The following PHACTR1 variants were observed in gnomAD, a reference collection of about 807,000 sequenced individuals.
PHACTR1 encodes the protein phosphatase and actin regulator 1, also known as RPEL repeat containing 1.
PHACTR1 carries 16 observed loss-of-function variants against 69.2 expected under a neutral mutation model. That is an observed-to-expected ratio of 0.23 (90% CI 0.16 to 0.35). The LOEUF (loss-of-function observed/expected upper bound fraction) is 0.35, where lower values mean the gene tolerates loss of function less well. Ranked by LOEUF, PHACTR1 falls within the 10% of genes least tolerant of loss-of-function variation. The probability of loss-of-function intolerance (pLI) is 1.00; values close to 1 mark genes in which losing one functional copy is unlikely to be tolerated. For missense variants in PHACTR1, 510 were observed against 734.7 expected, an observed-to-expected ratio of 0.69 and a Z score of 3.54; for synonymous variants, 312 against 284.5, an observed-to-expected ratio of 1.10 and a Z score of -0.97.
intron 4 of PHACTR1, among the ~76,000 whole-genome samples, chr6:12,925,675 G>A (rs1357737448): frequency 6.6e-6 from 1 of 152,156 alleles, no homozygotes; most frequent in African/African-American, 2.4e-5. Context: ...AATTCCACTA[G>A]TAAAACTTAA....
intron 5 of PHACTR1, among the ~76,000 whole-genome samples, chr6:13,122,042 G>T (rs1170746425): frequency 1.3e-5 from 2 of 152,114 alleles, no homozygotes; most frequent in African/African-American, 4.8e-5. Context: ...ACACATTTAT[G>T]GTGTGACTGC....
chr6:12,825,649 C>G (rs1197689394), intron 4 of PHACTR1, among the ~76,000 whole-genome samples: 1 of 152,142 alleles, frequency 6.6e-6, no homozygotes, highest in Admixed American at 6.6e-5. Flanking sequence ...AGGCCTGTTT[C>G]CTGCCTTTTT....
chr6:12,954,904 G>T (rs1791698195), intron 4 of PHACTR1, among the ~76,000 whole-genome samples: 1 of 152,130 alleles, frequency 6.6e-6, no homozygotes, highest in African/African-American at 2.4e-5. Context: ...CCAGGGCTTG[G>T]CCATCTAATG....
chr6:12,733,580 C>A (rs1429700157), intron 3 of PHACTR1, among the ~76,000 whole-genome samples: 1 of 152,188 alleles, frequency 6.6e-6, no homozygotes, highest in Non-Finnish European at 1.5e-5. Context: ...GGTAGCACAG[C>A]AGGAGCCAGA....
intron 4 of PHACTR1, among the ~76,000 whole-genome samples, chr6:13,023,063 C>A (rs1310294913): frequency 6.6e-6 from 1 of 152,036 alleles, no homozygotes; most frequent in African/African-American, 2.4e-5. Flanking sequence ...CACTCCTGAC[C>A]ATTTTAGCAT....
chr6:13,157,513 A>G (rs1187291948), intron 5 of PHACTR1, among the ~76,000 whole-genome samples: 1 of 152,228 alleles, frequency 6.6e-6, no homozygotes, highest in East Asian at 1.9e-4. Flanking sequence ...TTGTTGAGTG[A>G]CAGCTGATGT....
intron 4 of PHACTR1, among the ~76,000 whole-genome samples, chr6:13,041,380 A>ACACT (rs10525335): frequency 2.0e-5 from 3 of 151,188 alleles, no homozygotes; most frequent in Admixed American, 6.6e-5. Flanking sequence ...ACACACACAC[A>ACACT]GAAGAGAAGA....
intron 4 of PHACTR1, among the ~76,000 whole-genome samples, chr6:12,946,427 AT>A (rs2127547567): frequency 6.6e-6 from 1 of 152,336 alleles, no homozygotes; most frequent in Admixed American, 6.5e-5. Flanking sequence ...GCTCCGAGAT[AT>A]GAGCGATTTG....
chr6:13,037,157 C>T (rs968738993), intron 4 of PHACTR1, among the ~76,000 whole-genome samples: 1 of 152,172 alleles, frequency 6.6e-6, no homozygotes, highest in African/African-American at 2.4e-5. Flanking sequence ...GGACTCTATC[C>T]TCAGGCCAGT....
intron 4 of PHACTR1, among the ~76,000 whole-genome samples, chr6:12,979,666 T>C (rs1444974561): frequency 1.3e-5 from 2 of 151,736 alleles, no homozygotes; most frequent in Admixed American, 6.6e-5. Flanking sequence ...TCCCTTTCTA[T>C]GTTTGTATGC....
chr6:13,060,905 G>A (rs1237094409), intron 5 of PHACTR1, among the ~76,000 whole-genome samples: 2 of 152,208 alleles, frequency 1.3e-5, no homozygotes, highest in East Asian at 1.9e-4. Context: ...AGTTTCCTAA[G>A]CTGCTATAAC....
At position 12,942,394 on chromosome 6, in the gene PHACTR1, A is replaced by G. The variant is rs1790148689; in HGVS notation, c.251-110971A>G. ...CCAAGTGATATACTACACTTTTGAA[A>G]TACCCTGCCCTGTTTAAAGTAACCA... is the stretch of plus-strand genomic sequence containing the variant. On this transcript the variant is annotated intron_variant, in intron 4 of 14. Coordinates refer to ENST00000332995, the MANE Select transcript of PHACTR1 (RefSeq NM_030948.6). Among the ~76,000 whole-genome samples, 4 of 152,316 alleles carry G rather than the reference A, an allele frequency of 2.6e-5. No homozygotes were observed. In the South Asian group the frequency reaches 8.3e-4, roughly 32 times the overall value.
intron 3 of PHACTR1, among the ~76,000 whole-genome samples, chr6:12,747,091 C>G (rs113854099): frequency 3.9e-5 from 6 of 152,132 alleles, no homozygotes; most frequent in African/African-American, 7.2e-5. Context: ...GAAGAGGAGG[C>G]CTTCACTTTA....
chr6:13,167,876 A>T (rs1760043818), intron 6 of PHACTR1, among the ~76,000 whole-genome samples: 1 of 152,244 alleles, frequency 6.6e-6, no homozygotes, highest in Non-Finnish European at 1.5e-5. Flanking sequence ...GACATTCAAG[A>T]TGAAAAAGCC....
chr6:13,272,265 G>T (rs1777898545), intron 10 of PHACTR1: 2 of 153,042 alleles, frequency 1.3e-5, no homozygotes, highest in South Asian at 3.9e-4. Context: ...TTCATGTACG[G>T]TGGCTAAATT....
chr6:12,781,706 G>A (rs1376746371), intron 4 of PHACTR1, among the ~76,000 whole-genome samples: 2 of 152,182 alleles, frequency 1.3e-5, no homozygotes, highest in African/African-American at 4.8e-5. Flanking sequence ...ACGTCACCAT[G>A]TTAGAGGCAA....
intron 4 of PHACTR1, among the ~76,000 whole-genome samples, chr6:13,029,440 T>A (rs1186408477): frequency 6.6e-6 from 1 of 152,144 alleles, no homozygotes; most frequent in Non-Finnish European, 1.5e-5. Context: ...GAGCAAGCTA[T>A]AGTACAGGTG....
intron 5 of PHACTR1, among the ~76,000 whole-genome samples, chr6:13,157,450 C>G (rs1758349312): frequency 6.6e-6 from 1 of 152,216 alleles, no homozygotes; most frequent in Non-Finnish European, 1.5e-5. Flanking sequence ...TCTTTGGTCA[C>G]CATTATTTCC....
At chr6:13,068,470 G>A (rs545823430) in intron 5 of PHACTR1, among the ~76,000 whole-genome samples, 5 of 152,264 alleles carry the variant, frequency 3.3e-5, no homozygotes, top group African/African-American at 1.2e-4. Context: ...AAACACAACA[G>A]ACATCTAAGA....
Sources: allele counts gnomAD v4.1 joint callset (sites outside exome capture counted in the v4.1 genomes callset), GRCh38; gene constraint gnomAD v4.1.1; transcripts MANE v1.5; gene names NCBI Gene and HGNC (gene_info 2026-07-23, HGNC 2026-07-21).